Variants in CSMD1 observed in about 807,000 individuals in gnomAD.
The protein encoded by CSMD1 is CUB and Sushi multiple domains 1.
A neutral mutation model predicts 417.5 loss-of-function variants in CSMD1; 213 were observed. That is an observed-to-expected ratio of 0.51 (90% confidence interval 0.46 to 0.57). CSMD1 has a LOEUF of 0.57. CSMD1 is among the 20% of genes least tolerant of loss of function. CSMD1 has a pLI of 0.00. For missense variants in CSMD1, 6,923 were observed against 4,529.7 expected (o/e 1.53, Z -15.17); for synonymous variants, 2,862 against 1,736.8 (o/e 1.65, Z -16.11).
At chr8:3,923,219 T>A (rs1157714662) in intron 5 of CSMD1, among the ~76,000 whole-genome samples, 1 of 152,060 alleles carries the variant, frequency 6.6e-6, no homozygotes, top group Non-Finnish European at 1.5e-5. Context: ...CTCAGGCTAT[T>A]GTTTCCTTGT....
rs553539690 is a variant in CSMD1, at chr8:3,950,603, T to C, written c.818+47300A>G. Among the ~76,000 whole-genome samples the C allele has an allele frequency of 8.1e-4, 124 of 152,272 alleles. 1 individual carries two copies. In the Middle Eastern group the frequency reaches 0.02, roughly 25 times the overall value. On this transcript the variant is annotated intron_variant, in intron 5 of 69. Coordinates refer to ENST00000635120, the MANE Select transcript of CSMD1 (RefSeq NM_033225.6). ...ATTGCGTGAAATATGAAACCACCAT[T>C]AAGTCGTGGCTCAGCAGGAACGTGT...
At position 3,495,171 on chromosome 8, in the gene CSMD1, C is replaced by G. The variant is rs557618341; in HGVS notation, c.1345-1445G>C. On this transcript the variant is annotated intron_variant, in intron 10 of 69. Transcript: ENST00000635120. ...CTGTTGCAAACCAGTATAAATACTGCATGTTAAACGTAGCACCTGATATTT... is the reference window on the plus strand; with the variant it reads ...CTGTTGCAAACCAGTATAAATACTGGATGTTAAACGTAGCACCTGATATTT... Among the ~76,000 whole-genome samples, 238 of 152,282 alleles carry G rather than the reference C, an allele frequency of 1.6e-3. 1 individual carries two copies. Among genetic ancestry groups the G allele is most frequent in the African/African-American group, 5.6e-3 (231 of 41,556 alleles).
At chr8:3,909,675 C>G (rs1357563246) in intron 5 of CSMD1, among the ~76,000 whole-genome samples, 3 of 152,130 alleles carry the variant, frequency 2.0e-5, no homozygotes, top group Non-Finnish European at 4.4e-5. Context: ...CCTCCTTTTC[C>G]TAACATCATC....
chr8:3,232,245 T>A (rs1335486534), intron 26 of CSMD1, among the ~76,000 whole-genome samples: 1 of 152,218 alleles, frequency 6.6e-6, no homozygotes, highest in East Asian at 1.9e-4. Context: ...TAGCCACATA[T>A]ATCAGTTTCC....
chr8:3,306,927 CTT>C (rs1027834663), intron 25 of CSMD1, among the ~76,000 whole-genome samples: 5 of 151,944 alleles, frequency 3.3e-5, no homozygotes, highest in African/African-American at 9.7e-5. Flanking sequence ...GAATAGAACA[CTT>C]TTTGTTTAAA....
At chr8:4,530,159 C>A (rs1389120500) in intron 2 of CSMD1, among the ~76,000 whole-genome samples, 1 of 151,712 alleles carries the variant, frequency 6.6e-6, no homozygotes, top group African/African-American at 2.4e-5. Context: ...GTGATCTGCC[C>A]ACCTCAGCCT....
At chr8:4,076,222 T>C (rs187718645) in intron 3 of CSMD1, among the ~76,000 whole-genome samples, 1 of 152,240 alleles carries the variant, frequency 6.6e-6, no homozygotes, top group African/African-American at 2.4e-5. Flanking sequence ...AGAAGGGGCT[T>C]TTCCCCCGTT....
chr8:3,026,593 G>C (rs375075284), intron 51 of CSMD1, among the ~76,000 whole-genome samples: 16 of 151,942 alleles, frequency 1.1e-4, no homozygotes, highest in African/African-American at 3.9e-4. Flanking sequence ...GCTTGACTGG[G>C]CCTCACTGGA....
rs374249973 is a variant in CSMD1, at chr8:3,708,372, C to G, written c.1009+42G>C. On this transcript the variant is annotated intron_variant, in intron 7 of 69. Transcript: ENST00000635120. ...ACTGCTCCATTCTCTCCTCTGCTTA[C>G]AAGGGCGTATCAATCCTCAGATAGA... 1.3e-5 allele frequency: 20 copies of G among 1,544,388 alleles called. No homozygotes were observed. The African/African-American group carries it at 2.4e-4, about 19-fold the overall frequency.
chr8:4,097,317 T>A (rs1038548002), intron 3 of CSMD1, among the ~76,000 whole-genome samples: 1 of 152,214 alleles, frequency 6.6e-6, no homozygotes, highest in Non-Finnish European at 1.5e-5. Context: ...GAAACACTTA[T>A]TTTAATTTGC....
chr8:4,660,980 A>C (rs1804562802), intron 1 of CSMD1, among the ~76,000 whole-genome samples: 1 of 152,224 alleles, frequency 6.6e-6, no homozygotes, highest in South Asian at 2.1e-4. Context: ...AAATCTGGTT[A>C]GCATAAGAAG....
chr8:3,295,467 G>A (rs1803896834), intron 25 of CSMD1, among the ~76,000 whole-genome samples: 1 of 151,768 alleles, frequency 6.6e-6, no homozygotes, highest in South Asian at 2.1e-4. Context: ...CCGTTATACT[G>A]AAAAAAAGGT....
chr8:4,399,617 C>G (rs1023522088), intron 3 of CSMD1, among the ~76,000 whole-genome samples: 2 of 152,012 alleles, frequency 1.3e-5, no homozygotes, highest in African/African-American at 2.4e-5. Flanking sequence ...AGTTGTAACA[C>G]CATCCTAGAT....
intron 5 of CSMD1, among the ~76,000 whole-genome samples, chr8:3,875,032 TG>T (rs1322473329): frequency 6.6e-6 from 1 of 152,078 alleles, no homozygotes; most frequent in Non-Finnish European, 1.5e-5. Flanking sequence ...GCACAAAGGC[TG>T]GCATGAGCTG....
intron 43 of CSMD1, 125 bp from the exon 44 acceptor site, chr8:3,108,873 T>G: frequency 2.1e-6 from 2 of 933,400 alleles, no homozygotes; most frequent in Non-Finnish European, 1.6e-6. Context: ...CTCAGGATAC[T>G]GTGTTTGTAA....
intron 16 of CSMD1, among the ~76,000 whole-genome samples, chr8:3,397,912 T>C (rs1300825463): frequency 1.3e-5 from 2 of 152,190 alleles, no homozygotes; most frequent in Non-Finnish European, 2.9e-5. Flanking sequence ...AGCCCATCGG[T>C]CATGGTGGAA....
At chr8:4,251,410 T>C (rs1803063385) in intron 3 of CSMD1, among the ~76,000 whole-genome samples, 1 of 152,170 alleles carries the variant, frequency 6.6e-6, no homozygotes, top group Admixed American at 6.6e-5. Context: ...GTTCTTGTAT[T>C]TTGAGCAATA....
chr8:3,783,918 G>GCA (rs10632309), intron 5 of CSMD1, among the ~76,000 whole-genome samples: 152,071 of 152,326 alleles, frequency 1, 75,909 homozygotes, highest in Non-Finnish European at 1. Context: ...GAGCTGGGCT[G>GCA]CAGTTTGAAT....
intron 12 of CSMD1, among the ~76,000 whole-genome samples, chr8:3,440,727 A>C (rs529709651): frequency 6.6e-6 from 1 of 152,162 alleles, no homozygotes; most frequent in Non-Finnish European, 1.5e-5. Flanking sequence ...TCTTACTCTT[A>C]GGGGGTAACA....
Sources: allele counts gnomAD v4.1 joint callset (sites outside exome capture counted in the v4.1 genomes callset), GRCh38; gene constraint gnomAD v4.1.1; transcripts MANE v1.5; gene names NCBI Gene and HGNC (gene_info 2026-07-23, HGNC 2026-07-21).